Variants in CNNM2 observed in about 807,000 individuals in gnomAD.
The protein encoded by CNNM2 is cyclin and CBS domain divalent metal cation transport mediator 2.
CNNM2 carries 12 observed loss-of-function variants against 66.9 expected under a neutral mutation model. The observed-to-expected ratio is 0.18, with a 90% CI of 0.11 to 0.29. CNNM2 has a LOEUF of 0.29. Among genes scored for constraint, CNNM2 ranks in the 10% least tolerant of loss-of-function variants. The probability of loss-of-function intolerance (pLI) is 1.00; values close to 1 mark genes in which losing one functional copy is unlikely to be tolerated. For missense variants in CNNM2, 705 were observed against 1,167.7 expected (o/e 0.60, Z 5.77); for synonymous variants, 557 against 501.8 (o/e 1.11, Z -1.47).
At chr10:102,967,483 T>C (rs1209876457) in intron 1 of CNNM2, among the ~76,000 whole-genome samples, 1 of 152,234 alleles carries the variant, frequency 6.6e-6, no homozygotes. Flanking sequence ...TCTGTCTCTA[T>C]AGATTTGACT....
At chr10:103,023,675 A>G (rs1307822440) in intron 1 of CNNM2, among the ~76,000 whole-genome samples, 2 of 152,220 alleles carry the variant, frequency 1.3e-5, no homozygotes, top group Non-Finnish European at 2.9e-5. Context: ...ATTGGGGATC[A>G]CATTTCAACA....
In CNNM2 at chr10:103,065,010, G is replaced by A. The variant is rs2863726; in HGVS notation, c.2074-3619G>A. On this transcript the variant is annotated intron_variant, in intron 4 of 7. Transcript: ENST00000369878. ...AGCTTAGCATATCCACCCCGCAGCAGTGAATCTCAACTAGATGGAGTCCAG... is the reference window on the plus strand; with the variant it reads ...AGCTTAGCATATCCACCCCGCAGCAATGAATCTCAACTAGATGGAGTCCAG... Among the ~76,000 whole-genome samples the A allele has an allele frequency of 1, 152,114 of 152,340 alleles. 75,944 individuals are homozygous for A. The highest frequency in any genetic ancestry group is 1 in the Middle Eastern group (294 of 294).
intron 1 of CNNM2, among the ~76,000 whole-genome samples, chr10:102,965,900 A>G (rs1175276128): frequency 6.6e-6 from 1 of 152,170 alleles, no homozygotes; most frequent in East Asian, 1.9e-4. Context: ...TCAGGTAAAA[A>G]TGGTCAGGAC....
intron 6 of CNNM2, among the ~76,000 whole-genome samples, chr10:103,074,610 A>G (rs530585023): frequency 6.6e-6 from 1 of 152,300 alleles, no homozygotes; most frequent in Admixed American, 6.5e-5. Context: ...AGGCGACAAG[A>G]TCACTTGAGC....
At chr10:102,960,898 T>G (rs1802072567) in intron 1 of CNNM2, among the ~76,000 whole-genome samples, 1 of 67,348 alleles carries the variant, frequency 1.5e-5, no homozygotes, top group South Asian at 4.1e-4. Context: ...TGATTCTCTG[T>G]TTTTTTTTTT....
At chr10:102,991,019 C>T (rs1404541299) in intron 1 of CNNM2, among the ~76,000 whole-genome samples, 2 of 152,138 alleles carry the variant, frequency 1.3e-5, no homozygotes, top group African/African-American at 2.4e-5. Context: ...GACATTCTTG[C>T]TCTGTTGCCC....
chr10:102,996,193 A>G (rs940893096), intron 1 of CNNM2, among the ~76,000 whole-genome samples: 13 of 150,586 alleles, frequency 8.6e-5, no homozygotes, highest in Non-Finnish European at 1.5e-4. Context: ...GAGGTTTATC[A>G]ATTTTATTGA....
chr10:102,949,461 C>T (rs1477189178), intron 1 of CNNM2, among the ~76,000 whole-genome samples: 1 of 151,858 alleles, frequency 6.6e-6, no homozygotes, highest in Non-Finnish European at 1.5e-5. Flanking sequence ...AGGCATGAGC[C>T]ACCACACCTG....
At chr10:102,966,289 T>C (rs976320762) in intron 1 of CNNM2, among the ~76,000 whole-genome samples, 2 of 152,174 alleles carry the variant, frequency 1.3e-5, no homozygotes, top group East Asian at 3.8e-4. Flanking sequence ...TGGGTTAGTA[T>C]GAATTTTAAA....
chr10:102,953,033 CT>C (rs1428406791), intron 1 of CNNM2, among the ~76,000 whole-genome samples: 3 of 152,158 alleles, frequency 2.0e-5, no homozygotes, highest in African/African-American at 7.2e-5. Context: ...TGTTGAACTA[CT>C]TAACCATTCT....
In CNNM2 at chr10:103,049,865, C is replaced by T. The variant is rs375908935; in HGVS notation, c.1765+15C>T. On this transcript the variant is annotated intron_variant, in intron 2 of 7. Transcript: ENST00000369878. ...AGATTTATACAGTAAGTAGCATTGT[C>T]TGAGTGTATTTCCCGAAACCTTTGC... The T allele has an allele frequency of 6.2e-7, 1 of 1,609,708 alleles. No individual in the cohort carries two copies.
chr10:102,967,469 G>A (rs2063481900), intron 1 of CNNM2, among the ~76,000 whole-genome samples: 1 of 152,132 alleles, frequency 6.6e-6, no homozygotes, highest in African/African-American at 2.4e-5. Flanking sequence ...ACACTGTTAT[G>A]CTTTCTGTCT....
chr10:103,065,287 G>A (rs371201113), intron 4 of CNNM2, among the ~76,000 whole-genome samples: 21 of 152,226 alleles, frequency 1.4e-4, no homozygotes, highest in African/African-American at 3.4e-4. Flanking sequence ...AGAATCACCC[G>A]GAAATCTTTT....
chr10:102,969,629 G>A (rs2063519873), intron 1 of CNNM2, among the ~76,000 whole-genome samples: 1 of 152,008 alleles, frequency 6.6e-6, no homozygotes, highest in South Asian at 2.1e-4. Context: ...GCGGCAATTG[G>A]TGTTGTGGTT....
intron 1 of CNNM2, among the ~76,000 whole-genome samples, chr10:103,047,149 A>C (rs1844129039): frequency 6.6e-6 from 1 of 152,230 alleles, no homozygotes; most frequent in Non-Finnish European, 1.5e-5. Context: ...GGGAAAAATG[A>C]GTAACTTTCC....
chr10:103,012,585 T>C, intron 1 of CNNM2, among the ~76,000 whole-genome samples: 1 of 151,218 alleles, frequency 6.6e-6, no homozygotes, highest in East Asian at 1.9e-4. Context: ...GAGGCGAAGG[T>C]TGCAGTGAGC....
chr10:102,937,791 T>C (rs1388613682), intron 1 of CNNM2, among the ~76,000 whole-genome samples: 1 of 151,848 alleles, frequency 6.6e-6, no homozygotes, highest in Non-Finnish European at 1.5e-5. Context: ...GAAACCTTTT[T>C]TTTTTCTTTT....
intron 1 of CNNM2, among the ~76,000 whole-genome samples, chr10:102,998,384 A>G (rs529968659): frequency 1.3e-5 from 2 of 152,322 alleles, no homozygotes; most frequent in African/African-American, 4.8e-5. Flanking sequence ...AGTACTTTCC[A>G]TTCTTTAACT....
In CNNM2 at chr10:103,079,435, TGCCTTGCTACTGGGA is replaced by T. The variant is rs2134376155; in HGVS notation, c.*2257_*2271del. ...TTCTCCACACACAGTCTCTCGGGGA[TGCCTTGCTACTGGGA>T]GAGCCTCTGGAATCAGAGCTAGTGT... On this transcript the variant is annotated 3_prime_UTR_variant, in exon 8 of 8. Transcript: ENST00000369878. The T allele has an allele frequency of 6.6e-6, 1 of 152,364 alleles. No individual in the cohort carries two copies. The highest frequency in any genetic ancestry group is 2.1e-4 in the South Asian group (1 of 4,832). The allele number at this position is 152,364 out of a possible 1,614,324, so 9.4% of individuals were successfully genotyped here. A position where few individuals can be genotyped will look rare whatever the true frequency, so the allele number is the denominator to read the frequency against.
Sources: gnomAD v4.1 joint callset for allele counts (sites outside exome capture counted in the v4.1 genomes callset) on GRCh38, gnomAD v4.1.1 for gene constraint, MANE v1.5 for transcripts, NCBI Gene and HGNC (gene_info 2026-07-23, HGNC 2026-07-21) for gene names.